PIAS1: variants seen among roughly 807,000 people sequenced by gnomAD.
PIAS1 encodes protein inhibitor of activated STAT 1, also known as E3 SUMO-protein ligase PIAS1.
Under a neutral mutation model 71.3 loss-of-function variants are expected in PIAS1, and 6 were observed. The observed-to-expected ratio is 0.08, with a 90% CI of 0.05 to 0.17. The LOEUF is 0.17. Among genes scored for constraint, PIAS1 ranks in the 10% least tolerant of loss-of-function variants. The pLI is 1.00. For missense variants in PIAS1, 555 were observed against 793.6 expected (o/e 0.70, Z 3.61); for synonymous variants, 303 against 292.9 (o/e 1.03, Z -0.35).
intron 1 of PIAS1, among the ~76,000 whole-genome samples, chr15:68,084,462 A>AT (rs2140980118): frequency 6.6e-6 from 1 of 152,272 alleles, no homozygotes; most frequent in South Asian, 2.1e-4. Context: ...TCCTGCTGAT[A>AT]TTATAGTTAG....
chr15:68,110,754 T>G (rs2092517286), intron 2 of PIAS1, among the ~76,000 whole-genome samples: 1 of 151,938 alleles, frequency 6.6e-6, no homozygotes, highest in African/African-American at 2.4e-5. Context: ...AAAAAAAAGG[T>G]ATTTATTCTC....
chr15:68,106,263 C>CTTGGCTA (rs1350664475), intron 2 of PIAS1, among the ~76,000 whole-genome samples: 2 of 142,728 alleles, frequency 1.4e-5, no homozygotes, highest in African/African-American at 5.2e-5. Context: ...ATTGGAGATA[C>CTTGGCTA]TTGGCTATTT....
rs779808406 is a variant in PIAS1, at chr15:68,054,379, T to C, written c.24+29T>C. The C allele has an allele frequency of 5.8e-6, 9 of 1,560,176 alleles. No homozygotes were observed. Among genetic ancestry groups the C allele is most frequent in the Middle Eastern group, 1.7e-4 (1 of 5,994 alleles). Reference sequence around the variant, plus strand: ...AAGCGCAGCTCGAATTCACTTCTAATATTCGGCCGCGGAGACGGCGCCGCT... The same window carrying C: ...AAGCGCAGCTCGAATTCACTTCTAACATTCGGCCGCGGAGACGGCGCCGCT... On this transcript the variant is annotated intron_variant, in intron 1 of 13. Transcript: ENST00000249636. The surrounding 1 kb of genome is among the most constrained non-coding windows in gnomAD (Gnocchi z 4.6).
At chr15:68,179,564 C>CCTTTTTTTTTT (rs2093040045) in intron 11 of PIAS1, among the ~76,000 whole-genome samples, 1 of 40,094 alleles carries the variant, frequency 2.5e-5, no homozygotes, top group Admixed American at 3.4e-4. Context: ...GTGAAATGTT[C>CCTTTTTTTTTT]TTTTTTTTTT....
intron 8 of PIAS1, among the ~76,000 whole-genome samples, chr15:68,166,391 A>C (rs1434263325): frequency 6.6e-6 from 1 of 151,652 alleles, no homozygotes; most frequent in Admixed American, 6.6e-5. Flanking sequence ...TGATTCACAG[A>C]CTGGGGAAGT....
intron 10 of PIAS1, among the ~76,000 whole-genome samples, chr15:68,176,203 C>T (rs910198001): frequency 1.1e-4 from 16 of 152,000 alleles, no homozygotes; most frequent in Admixed American, 2.6e-4. Flanking sequence ...ATTAATATAC[C>T]GTCTGCTCTC....
chr15:68,145,499 C>T (rs952495232), intron 4 of PIAS1, among the ~76,000 whole-genome samples: 6 of 152,030 alleles, frequency 3.9e-5, no homozygotes, highest in African/African-American at 1.2e-4. Flanking sequence ...ATTTGACTAA[C>T]GAGTCTTTTT....
intron 2 of PIAS1, among the ~76,000 whole-genome samples, chr15:68,096,266 C>T (rs914351895): frequency 6.6e-6 from 1 of 152,114 alleles, no homozygotes; most frequent in Non-Finnish European, 1.5e-5. Flanking sequence ...TTTCTGGGCT[C>T]ACTATTCTGT....
chr15:68,183,908 G>T, intron 13 of PIAS1: 2 of 328,364 alleles, frequency 6.1e-6, no homozygotes, highest in East Asian at 6.7e-5. Context: ...AGTATCACAC[G>T]TATAATTATG....
intron 2 of PIAS1, among the ~76,000 whole-genome samples, chr15:68,141,429 T>G (rs1480847403): frequency 6.6e-6 from 1 of 152,126 alleles, no homozygotes; most frequent in South Asian, 2.1e-4. Flanking sequence ...CATCTAAGAT[T>G]AGGAGAAAAA....
chr15:68,140,250 A>C (rs1024489825), intron 2 of PIAS1, among the ~76,000 whole-genome samples: 3 of 152,224 alleles, frequency 2.0e-5, no homozygotes, highest in African/African-American at 7.2e-5. Context: ...TCTAAAATGC[A>C]TCTGAAATTT....
intron 8 of PIAS1, among the ~76,000 whole-genome samples, chr15:68,165,054 T>TA (rs2141078398): frequency 6.6e-6 from 1 of 152,330 alleles, no homozygotes; most frequent in South Asian, 2.1e-4. Context: ...GGCTCAAGTG[T>TA]AAAATCTCAA....
chr15:68,098,257 A>G (rs971094089), intron 2 of PIAS1, among the ~76,000 whole-genome samples: 2 of 152,214 alleles, frequency 1.3e-5, no homozygotes, highest in Non-Finnish European at 2.9e-5. Context: ...TTGTATATGT[A>G]TGTATTGTGT....
At chr15:68,085,826 A>G (rs1417741146) in intron 1 of PIAS1, among the ~76,000 whole-genome samples, 1 of 152,250 alleles carries the variant, frequency 6.6e-6, no homozygotes. Context: ...GTAACACTTG[A>G]TAATAGCTAT....
chr15:68,062,443 G>C (rs79429402), intron 1 of PIAS1, among the ~76,000 whole-genome samples: 2 of 152,124 alleles, frequency 1.3e-5, no homozygotes, highest in Non-Finnish European at 2.9e-5. Flanking sequence ...TCACAAAGTT[G>C]TGTAACCATT....
chr15:68,142,152 A>G (rs2092775093), intron 3 of PIAS1, 122 bp downstream of exon 3: 1 of 945,300 alleles, frequency 1.1e-6, no homozygotes, highest in Non-Finnish European at 1.7e-6. Context: ...TAGTAATGAA[A>G]GTATAGTGTG....
At chr15:68,134,852 C>T (rs866922232) in intron 2 of PIAS1, among the ~76,000 whole-genome samples, 624 of 49,262 alleles carry the variant, frequency 0.013, no homozygotes, top group African/African-American at 0.025. Flanking sequence ...GGCTGACCCC[C>T]CCACCGCCCT....
At chr15:68,161,508 GA>G (rs975979667) in intron 7 of PIAS1, among the ~76,000 whole-genome samples, 8 of 149,032 alleles carry the variant, frequency 5.4e-5, no homozygotes, top group African/African-American at 2.0e-4. Context: ...TTTTTTAATA[GA>G]AATTGGCAAA....
At chr15:68,113,573 AC>A (rs2092540239) in intron 2 of PIAS1, among the ~76,000 whole-genome samples, 1 of 152,032 alleles carries the variant, frequency 6.6e-6, no homozygotes, top group African/African-American at 2.4e-5. Flanking sequence ...CATACTTTTA[AC>A]TCCTGAGCTG....
Sources: gnomAD v4.1 joint callset for allele counts (sites outside exome capture counted in the v4.1 genomes callset) on GRCh38, gnomAD v4.1.1 for gene constraint, Gnocchi (gnomAD v3.1) non-coding constraint, MANE v1.5 for transcripts, NCBI Gene and HGNC (gene_info 2026-07-23, HGNC 2026-07-21) for gene names.